C1QTNF3: variants seen among roughly 807,000 people sequenced by gnomAD.
C1QTNF3 encodes complement C1q tumor necrosis factor-related protein 3.
In C1QTNF3, 26 loss-of-function variants were observed where a neutral mutation model predicts 32.6. The ratio of observed to expected loss-of-function variants is 0.80; its 90% CI spans 0.58 to 1.11. The LOEUF (loss-of-function observed/expected upper bound fraction) is 1.11. C1QTNF3 is among the 50% of genes least tolerant of loss of function. The pLI, the probability that C1QTNF3 is intolerant of heterozygous loss-of-function variation, is 0.00. For synonymous variants in C1QTNF3, 155 were observed against 146.0 expected (o/e 1.06, Z -0.44); for missense variants, 362 against 398.2 (o/e 0.91, Z 0.77).
At chr5:34,217,060 TATA>T in the C1QTNF3 span, among the ~76,000 whole-genome samples, 22 of 152,262 alleles carry the variant, frequency 1.4e-4, no homozygotes, top group South Asian at 1.0e-3. Flanking sequence ...ACAATATTCT[TATA>T]ATAACTCTTG....
chr5:34,155,285 G>A, the C1QTNF3 span, among the ~76,000 whole-genome samples: 2 of 152,284 alleles, frequency 1.3e-5, no homozygotes, highest in South Asian at 2.1e-4. Flanking sequence ...TTATTTGACC[G>A]AGGCAGTTTC....
At chr5:34,063,289 C>A in the C1QTNF3 span, among the ~76,000 whole-genome samples, 1 of 84,286 alleles carries the variant, frequency 1.2e-5, no homozygotes, top group African/African-American at 4.9e-5. Context: ...TCTCTCTTCC[C>A]TCTCTCTCCT....
chr5:34,154,564 G>A, the C1QTNF3 span, among the ~76,000 whole-genome samples: 1 of 152,140 alleles, frequency 6.6e-6, no homozygotes, highest in African/African-American at 2.4e-5. Flanking sequence ...AAATCTGTTA[G>A]AATGCTGAGA....
chr5:34,047,465 A>T (rs140219975), upstream of C1QTNF3, among the ~76,000 whole-genome samples: 1 of 152,346 alleles, frequency 6.6e-6, no homozygotes, highest in East Asian at 1.9e-4. Flanking sequence ...GAGATCAGTT[A>T]TGGTCTGGCC....
the C1QTNF3 span, among the ~76,000 whole-genome samples, chr5:34,084,914 T>A: frequency 6.7e-6 from 1 of 149,082 alleles, no homozygotes; most frequent in Non-Finnish European, 1.5e-5. Flanking sequence ...TATTTGCCCA[T>A]GCCTATGTCC....
chr5:34,057,884 C>T, the C1QTNF3 span, among the ~76,000 whole-genome samples: 2 of 152,170 alleles, frequency 1.3e-5, no homozygotes, highest in Non-Finnish European at 2.9e-5. Flanking sequence ...ATATTTCTTA[C>T]CATTGTAAAC....
the C1QTNF3 span, among the ~76,000 whole-genome samples, chr5:34,104,581 G>A: frequency 1.3e-5 from 1 of 79,060 alleles, no homozygotes; most frequent in African/African-American, 5.1e-5. Context: ...TGTTGCCCAG[G>A]CTGGAGTGCA....
At chr5:34,162,650 A>C in the C1QTNF3 span, among the ~76,000 whole-genome samples, 1 of 152,302 alleles carries the variant, frequency 6.6e-6, no homozygotes, top group Admixed American at 6.5e-5. Flanking sequence ...GAGGGGCTAA[A>C]ATATTACAGA....
the C1QTNF3 span, among the ~76,000 whole-genome samples, chr5:34,066,693 T>C: frequency 6.6e-6 from 1 of 152,174 alleles, no homozygotes. Flanking sequence ...ATATTGAAAC[T>C]ATTTTCTCCT....
the C1QTNF3 span, among the ~76,000 whole-genome samples, chr5:34,128,919 CATG>C: frequency 6.0e-4 from 92 of 152,244 alleles, no homozygotes; most frequent in African/African-American, 2.2e-3. Flanking sequence ...GTGAGAAGAA[CATG>C]ATATTTTAAA....
the C1QTNF3 span, among the ~76,000 whole-genome samples, chr5:34,204,563 G>A: frequency 6.6e-6 from 1 of 152,156 alleles, no homozygotes; most frequent in South Asian, 2.1e-4. Context: ...CATAGAATGT[G>A]GAATGATAGA....
the C1QTNF3 span, among the ~76,000 whole-genome samples, chr5:34,094,185 T>C: frequency 6.6e-6 from 1 of 152,186 alleles, no homozygotes; most frequent in Non-Finnish European, 1.5e-5. Flanking sequence ...CAATAAACTC[T>C]ATCTTTTAAC....
the C1QTNF3 span, among the ~76,000 whole-genome samples, chr5:34,155,855 A>G: frequency 6.6e-6 from 1 of 152,138 alleles, no homozygotes; most frequent in African/African-American, 2.4e-5. Context: ...TTAAGAAGAG[A>G]TAAAAGAAGG....
At chr5:34,197,606 A>C in the C1QTNF3 span, among the ~76,000 whole-genome samples, 715 of 152,214 alleles carry the variant, frequency 4.7e-3, 1 homozygote, top group Non-Finnish European at 8.5e-3. Flanking sequence ...AAGTCAGGGA[A>C]ATGATGGATT....
the C1QTNF3 span, among the ~76,000 whole-genome samples, chr5:34,154,157 T>C: frequency 6.6e-6 from 1 of 152,186 alleles, no homozygotes; most frequent in Non-Finnish European, 1.5e-5. Context: ...GCATTTATTG[T>C]GAAGTAGTAG....
At chr5:34,156,143 T>C in the C1QTNF3 span, among the ~76,000 whole-genome samples, 1 of 152,200 alleles carries the variant, frequency 6.6e-6, no homozygotes, top group Non-Finnish European at 1.5e-5. Flanking sequence ...TGATCTCGGC[T>C]CACTGTGGCC....
the C1QTNF3 span, among the ~76,000 whole-genome samples, chr5:34,065,906 A>G: frequency 6.6e-6 from 1 of 152,198 alleles, no homozygotes; most frequent in Admixed American, 6.5e-5. Flanking sequence ...GCTGTTCACA[A>G]TGGCAAAGAC....
At chr5:34,053,286 A>C in the C1QTNF3 span, among the ~76,000 whole-genome samples, 1 of 152,240 alleles carries the variant, frequency 6.6e-6, no homozygotes, top group Admixed American at 6.5e-5. Flanking sequence ...GATTTCAGAC[A>C]CTCCACCCGA....
the C1QTNF3 span, among the ~76,000 whole-genome samples, chr5:34,079,054 C>A: frequency 4.8e-4 from 73 of 151,708 alleles, 1 homozygote; most frequent in African/African-American, 1.7e-3. Context: ...TCTTCCAAAA[C>A]TTCCTCAGCC....
Sources: gnomAD v4.1 joint callset for allele counts (sites outside exome capture counted in the v4.1 genomes callset) on GRCh38, gnomAD v4.1.1 for gene constraint, MANE v1.5 for transcripts, NCBI Gene and HGNC (gene_info 2026-07-23, HGNC 2026-07-21) for gene names.